Variants in TXNRD2 observed in about 807,000 individuals in gnomAD.
The protein encoded by TXNRD2 is thioredoxin reductase 2, mitochondrial.
A neutral mutation model predicts 70.8 loss-of-function variants in TXNRD2; 67 were observed. The ratio of observed to expected loss-of-function variants is 0.95; its 90% CI spans 0.78 to 1.16. The LOEUF (loss-of-function observed/expected upper bound fraction) is 1.16. Among genes scored for constraint, TXNRD2 ranks in the 50% most tolerant of loss-of-function variants. The probability of loss-of-function intolerance (pLI) is 0.00; values close to 1 mark genes in which losing one functional copy is unlikely to be tolerated. For synonymous variants in TXNRD2, 301 were observed against 295.8 expected (o/e 1.02, Z -0.18); for missense variants, 644 against 719.9 (o/e 0.89, Z 1.21).
Position 19,941,687 on chromosome 22 carries a change from C to G in TXNRD2, c.103+14G>C, listed in dbSNP as rs1158625236. ...GCGGACACCTACCGCGGGGACGCCC[C>G]GACCCCATCCTACCTGCTGCGCCCC... On this transcript the variant is annotated intron_variant, in intron 1 of 17. Coordinates refer to ENST00000400521, the MANE Select transcript of TXNRD2 (RefSeq NM_006440.5). 1 of 1,476,734 alleles carries G rather than the reference C, an allele frequency of 6.8e-7. No individual in the cohort carries two copies. 91.5% of individuals were successfully genotyped at this position (1,476,734 alleles called of 1,614,324 possible).
At chr22:19,905,042 G>A (rs1195291521) in intron 8 of TXNRD2, among the ~76,000 whole-genome samples, 1 of 152,144 alleles carries the variant, frequency 6.6e-6, no homozygotes, top group Non-Finnish European at 1.5e-5. Context: ...ATACAGAAAT[G>A]CTACTGTAGA....
At chr22:19,880,079 G>A (rs1397520065) in intron 14 of TXNRD2, 100 bp downstream of exon 14, 2 of 1,259,564 alleles carry the variant, frequency 1.6e-6, no homozygotes, top group Non-Finnish European at 2.3e-6. Context: ...CCCCTGGAAA[G>A]GAGAGACCTT....
At chr22:19,883,648 G>A in intron 11 of TXNRD2, 187 bp from the exon 12 acceptor site, 2 of 745,000 alleles carry the variant, frequency 2.7e-6, no homozygotes, top group African/African-American at 1.7e-5. Flanking sequence ...GACCAGGCTG[G>A]CCAACATGAT....
chr22:19,914,546 G>A (rs1022208641), intron 7 of TXNRD2, among the ~76,000 whole-genome samples: 1 of 152,220 alleles, frequency 6.6e-6, no homozygotes, highest in Non-Finnish European at 1.5e-5. Flanking sequence ...CCAGTTACAT[G>A]AGAAGGACTT....
intron 1 of TXNRD2, 72 bp from the exon 2 acceptor site, chr22:19,931,170 G>T: frequency 7.2e-7 from 1 of 1,380,094 alleles, no homozygotes; most frequent in Non-Finnish European, 1.0e-6. Flanking sequence ...ATTTTATCAG[G>T]ATTGGACACT....
intron 8 of TXNRD2, chr22:19,903,082 A>T (rs1939849915): frequency 3.9e-6 from 2 of 516,930 alleles, no homozygotes; most frequent in Admixed American, 3.9e-5. Flanking sequence ...CTGGTGGAGC[A>T]GCCTCAGAGG....
At chr22:19,900,158 C>T (rs754997757) in intron 8 of TXNRD2, among the ~76,000 whole-genome samples, 4 of 152,216 alleles carry the variant, frequency 2.6e-5, no homozygotes, top group Admixed American at 6.5e-5. Flanking sequence ...GGTGAGCAGA[C>T]AGAGCTCTGT....
chr22:19,878,371 C>T lies in TXNRD2; in HGVS notation c.1342G>A (p.Val448Ile), dbSNP rs953805989. 3 of 1,613,730 alleles carry T rather than the reference C, an allele frequency of 1.9e-6. No individual in the cohort carries two copies. Among genetic ancestry groups the T allele is most frequent in the Non-Finnish European group, 2.5e-6 (3 of 1,180,046 alleles). ...VAGRDASQCYVKMVCLREPPQ... is the reference protein window; with the variant it reads ...VAGRDASQCYIKMVCLREPPQ... ...TGGGCCACAGGGATGCTCACCTTTA[C>T]ATAACACTGGGATGCATCTCGTCCA... Residue 448 changes from valine to isoleucine, a missense_variant, in exon 15 of 18, where the codon GTA becomes ATA. By Grantham distance (29) the Val-to-Ile change is conservative. Transcript: ENST00000400521.
chr22:19,890,787 G>A (rs1939230323), intron 11 of TXNRD2, among the ~76,000 whole-genome samples: 2 of 152,216 alleles, frequency 1.3e-5, no homozygotes, highest in African/African-American at 4.8e-5. Flanking sequence ...TGAGTCTGCG[G>A]TGTACGGGAG....
chr22:19,882,810 C>T (rs1938841283), intron 12 of TXNRD2, among the ~76,000 whole-genome samples: 2 of 152,230 alleles, frequency 1.3e-5, no homozygotes, highest in South Asian at 4.1e-4. Context: ...AGACTGGCAC[C>T]GGTCTCCACT....
chr22:19,916,261 G>T, intron 5 of TXNRD2: 1 of 239,702 alleles, frequency 4.2e-6, no homozygotes, highest in Admixed American at 5.1e-5. Context: ...CCAAGAGAAC[G>T]GGCATGACAA....
At chr22:19,914,762 C>G (rs1021891470) in intron 7 of TXNRD2, 14 of 262,806 alleles carry the variant, frequency 5.3e-5, no homozygotes, top group African/African-American at 3.1e-4. Flanking sequence ...GTACTAAAAA[C>G]CACTGAATTG....
chr22:19,935,432 G>A (rs1399463380), intron 1 of TXNRD2, among the ~76,000 whole-genome samples: 1 of 152,152 alleles, frequency 6.6e-6, no homozygotes, highest in African/African-American at 2.4e-5. Context: ...AAGACAATAT[G>A]TGCACAGCTG....
At chr22:19,879,552 C>A (rs890702886) in intron 14 of TXNRD2, among the ~76,000 whole-genome samples, 1 of 4,916 alleles carries the variant, frequency 2.0e-4, no homozygotes, top group African/African-American at 9.3e-4. Flanking sequence ...TGGTGGGGGG[C>A]GGGGGGCGGG....
At position 19,899,174 on chromosome 22, in the gene TXNRD2, G is replaced by A. The variant is rs530179774; in HGVS notation, c.663-106C>T. On this transcript the variant is annotated intron_variant, in intron 8 of 17. Coordinates refer to ENST00000400521, the MANE Select transcript of TXNRD2 (RefSeq NM_006440.5). ...CTTTGCCCAGGCCCTTGGTCAGCTC[G>A]TGGGCTCCAAGGTTACTGTTCAAAC... 1.8e-5 allele frequency: 26 copies of A among 1,444,314 alleles called. No homozygotes were observed. The East Asian group carries it at 2.1e-4, about 11-fold the overall frequency. 89.5% of individuals were successfully genotyped at this position (1,444,314 alleles called of 1,614,324 possible). A position where few individuals can be genotyped will look rare whatever the true frequency, so the allele number is the denominator to read the frequency against.
intron 14 of TXNRD2, among the ~76,000 whole-genome samples, 160 bp from the exon 15 acceptor site, chr22:19,878,597 G>A (rs1297291956): frequency 6.6e-6 from 1 of 152,218 alleles, no homozygotes; most frequent in Non-Finnish European, 1.5e-5. Flanking sequence ...GGCTTGGCTG[G>A]CCACGGGGTG....
chr22:19,909,902 C>A (rs866521485), intron 8 of TXNRD2, among the ~76,000 whole-genome samples: 1,461 of 95,118 alleles, frequency 0.015, 59 homozygotes, highest in South Asian at 0.04. Context: ...CACACACACA[C>A]CACACACCCA....
intron 8 of TXNRD2, chr22:19,910,982 G>A (rs1940379204): frequency 3.2e-6 from 1 of 309,152 alleles, no homozygotes. Flanking sequence ...GGCTGAAGCA[G>A]GAGAATCACT....
chr22:19,909,596 ACCACT>A (rs1940240630), intron 8 of TXNRD2, among the ~76,000 whole-genome samples: 1 of 96,786 alleles, frequency 1.0e-5, no homozygotes, highest in African/African-American at 4.3e-5. Context: ...CACCACACAC[ACCACT>A]CACACACACA....
Sources: gnomAD v4.1 joint callset for allele counts (sites outside exome capture counted in the v4.1 genomes callset) on GRCh38, gnomAD v4.1.1 for gene constraint, MANE v1.5 for transcripts, NCBI Gene and HGNC (gene_info 2026-07-23, HGNC 2026-07-21) for gene names.